The following PCDH9 variants were observed in gnomAD, a reference collection of about 807,000 sequenced individuals.
PCDH9 encodes protocadherin 9.
A neutral mutation model predicts 70.6 loss-of-function variants in PCDH9; 24 were observed. That is an observed-to-expected ratio of 0.34 (90% CI 0.25 to 0.48). PCDH9 has a LOEUF of 0.48. PCDH9 is among the 20% of genes least tolerant of loss of function. The pLI is 0.99. For synonymous variants in PCDH9, 562 were observed against 558.5 expected (o/e 1.01, Z -0.09); for missense variants, 1,281 against 1,503.6 (o/e 0.85, Z 2.45).
chr13:66,868,527 TAAG>T (rs972803981), intron 3 of PCDH9, among the ~76,000 whole-genome samples: 46 of 152,144 alleles, frequency 3.0e-4, no homozygotes, highest in Middle Eastern at 3.4e-3. Flanking sequence ...AAAAAAATAT[TAAG>T]AACTGAGAAA....
intron 3 of PCDH9, among the ~76,000 whole-genome samples, chr13:66,815,217 A>G (rs753251172): frequency 6.6e-6 from 1 of 152,180 alleles, no homozygotes; most frequent in Non-Finnish European, 1.5e-5. Context: ...CAAAACCACA[A>G]TGAGATACCA....
chr13:66,727,424 T>C (rs1256299533), intron 3 of PCDH9, among the ~76,000 whole-genome samples: 1 of 152,170 alleles, frequency 6.6e-6, no homozygotes, highest in Non-Finnish European at 1.5e-5. Flanking sequence ...TTGCCTATCT[T>C]TCCTTCTATG....
At chr13:66,465,928 T>C (rs1219428394) in intron 4 of PCDH9, among the ~76,000 whole-genome samples, 4 of 151,944 alleles carry the variant, frequency 2.6e-5, no homozygotes, top group African/African-American at 9.7e-5. Flanking sequence ...TCAAATTTGG[T>C]AAGTAAAGAA....
intron 3 of PCDH9, among the ~76,000 whole-genome samples, chr13:66,857,324 T>C (rs2081410534): frequency 6.6e-6 from 1 of 152,154 alleles, no homozygotes; most frequent in African/African-American, 2.4e-5. Context: ...CAAATAAGCA[T>C]TATTCCATTG....
intron 2 of PCDH9, among the ~76,000 whole-genome samples, chr13:67,160,264 G>T (rs1302658046): frequency 1.3e-5 from 2 of 152,196 alleles, no homozygotes; most frequent in Non-Finnish European, 2.9e-5. Context: ...AACACAACCT[G>T]GCCGGGTGCG....
intron 2 of PCDH9, among the ~76,000 whole-genome samples, chr13:67,099,917 T>C (rs1445943800): frequency 1.3e-5 from 2 of 152,194 alleles, no homozygotes; most frequent in Non-Finnish European, 2.9e-5. Flanking sequence ...TGAAATATAA[T>C]AATGGGTCCC....
At chr13:67,119,086 C>T (rs1039209072) in intron 2 of PCDH9, among the ~76,000 whole-genome samples, 26 of 152,150 alleles carry the variant, frequency 1.7e-4, no homozygotes, top group African/African-American at 6.3e-4. Context: ...AAAGTCCTTT[C>T]AGCCAGGCCG....
chr13:67,226,425 G>A lies in PCDH9; in HGVS notation c.2016C>T (p.Ser672=). 6.2e-7 allele frequency: 1 copy of A among 1,613,518 alleles called. No individual in the cohort carries two copies. The highest frequency in any genetic ancestry group is 8.5e-7 in the Non-Finnish European group (1 of 1,179,432). The change falls in exon 2 of 5, where the codon AGC becomes AGT. Residue 672 remains serine (S), a synonymous_variant. Coordinates refer to ENST00000377865, the MANE Select transcript of PCDH9 (RefSeq NM_203487.3). The surrounding 1 kb of genome is among the most constrained non-coding windows in gnomAD (Gnocchi z 5.0). ...TINVMDVNDN[S]PVVISPPSNT... ...TAGACGGTGGAGAAATGACAACTGG[G>A]CTGTTGTCATTGACATCCATGACGT...
At chr13:66,716,076 A>C (rs1006904280) in intron 3 of PCDH9, among the ~76,000 whole-genome samples, 1 of 152,240 alleles carries the variant, frequency 6.6e-6, no homozygotes, top group African/African-American at 2.4e-5. Flanking sequence ...GCTTAATACT[A>C]TCAGAGGAAA....
intron 3 of PCDH9, among the ~76,000 whole-genome samples, chr13:66,708,739 C>G (rs1257326834): frequency 1.3e-5 from 2 of 152,114 alleles, no homozygotes; most frequent in Admixed American, 6.5e-5. Flanking sequence ...ATAGGAGAAT[C>G]AAATTTGCAA....
intron 2 of PCDH9, among the ~76,000 whole-genome samples, chr13:67,024,791 C>T (rs2084746885): frequency 1.3e-5 from 2 of 151,934 alleles, no homozygotes; most frequent in African/African-American, 4.8e-5. Flanking sequence ...ATGTCTGTTG[C>T]TATTATATTG....
intron 2 of PCDH9, among the ~76,000 whole-genome samples, chr13:67,092,285 C>A (rs2086233284): frequency 6.6e-6 from 1 of 152,144 alleles, no homozygotes; most frequent in Non-Finnish European, 1.5e-5. Context: ...CAATTTCAAT[C>A]TCTATCCCTG....
At chr13:66,501,417 A>G (rs1237718954) in intron 4 of PCDH9, among the ~76,000 whole-genome samples, 1 of 152,144 alleles carries the variant, frequency 6.6e-6, no homozygotes, top group Admixed American at 6.5e-5. Context: ...CTCCTGTGTC[A>G]TAAAGAATTT....
chr13:66,720,304 C>T (rs2078924868), intron 3 of PCDH9, among the ~76,000 whole-genome samples: 1 of 147,072 alleles, frequency 6.8e-6, no homozygotes, highest in Non-Finnish European at 1.5e-5. Context: ...TGCTACCATA[C>T]CTGGCTAATT....
chr13:66,890,364 T>C (rs1458110159), intron 3 of PCDH9, among the ~76,000 whole-genome samples: 1 of 151,688 alleles, frequency 6.6e-6, no homozygotes, highest in Non-Finnish European at 1.5e-5. Flanking sequence ...CATGTAGTCA[T>C]GGAACCTGAC....
intron 4 of PCDH9, among the ~76,000 whole-genome samples, chr13:66,363,218 C>G (rs1014021847): frequency 3.9e-5 from 6 of 152,002 alleles, no homozygotes; most frequent in Non-Finnish European, 5.9e-5. Context: ...TGTAAAGGTC[C>G]TTTTATGTTT....
At chr13:67,223,923 A>G (rs2089788776) in intron 2 of PCDH9, 1 of 152,164 alleles carries the variant, frequency 6.6e-6, no homozygotes, top group Non-Finnish European at 1.5e-5. Flanking sequence ...GAGTATCTGT[A>G]TGACTCATTG....
chr13:66,985,967 A>T (rs1191162681), intron 2 of PCDH9, among the ~76,000 whole-genome samples: 1 of 152,006 alleles, frequency 6.6e-6, no homozygotes, highest in African/African-American at 2.4e-5. Flanking sequence ...AAATGAATAC[A>T]TTGTCTATTT....
intron 4 of PCDH9, among the ~76,000 whole-genome samples, chr13:66,553,134 G>T (rs540653465): frequency 6.6e-6 from 1 of 152,252 alleles, no homozygotes; most frequent in South Asian, 2.1e-4. Flanking sequence ...TGGCGACATA[G>T]CCAAACTATA....
Sources: allele counts gnomAD v4.1 joint callset (sites outside exome capture counted in the v4.1 genomes callset), GRCh38; gene constraint gnomAD v4.1.1; non-coding constraint Gnocchi (gnomAD v3.1); transcripts MANE v1.5; gene names NCBI Gene and HGNC (gene_info 2026-07-23, HGNC 2026-07-21).